The following ITPR2 variants were observed in gnomAD, a reference collection of about 807,000 sequenced individuals.
ITPR2 encodes inositol 1,4,5-trisphosphate-gated calcium channel ITPR2.
In ITPR2, 207 loss-of-function variants were observed where a neutral mutation model predicts 317.1. The ratio of observed to expected loss-of-function variants is 0.65; its 90% confidence interval spans 0.58 to 0.73. The LOEUF is 0.73. ITPR2 is among the 30% of genes least tolerant of loss of function. The probability of loss-of-function intolerance (pLI) is 0.00; values close to 1 mark genes in which losing one functional copy is unlikely to be tolerated. For synonymous variants in ITPR2, 1,156 were observed against 1,149.1 expected (o/e 1.01, Z -0.12); for missense variants, 2,613 against 3,284.0 (o/e 0.80, Z 4.99).
At chr12:26,753,096 G>A (rs1013591691) in intron 2 of ITPR2, among the ~76,000 whole-genome samples, 2 of 152,132 alleles carry the variant, frequency 1.3e-5, no homozygotes, top group Non-Finnish European at 2.9e-5. Context: ...TGGGTTAGAG[G>A]CCCAACTTAG....
intron 41 of ITPR2, among the ~76,000 whole-genome samples, chr12:26,484,805 G>C (rs555539810): frequency 2.6e-5 from 4 of 151,954 alleles, no homozygotes; most frequent in Non-Finnish European, 5.9e-5. Context: ...TCCGCCTCCC[G>C]GGTTCACGCC....
intron 2 of ITPR2, among the ~76,000 whole-genome samples, chr12:26,779,160 G>A (rs1336752572): frequency 6.6e-6 from 1 of 152,116 alleles, no homozygotes; most frequent in East Asian, 1.9e-4. Context: ...TGACAGATAG[G>A]GATGCTGTTT....
intron 52 of ITPR2, among the ~76,000 whole-genome samples, chr12:26,409,232 T>G (rs1451507366): frequency 6.6e-6 from 1 of 152,130 alleles, no homozygotes; most frequent in African/African-American, 2.4e-5. Flanking sequence ...ACCCACACTA[T>G]CAGTGCATTC....
intron 37 of ITPR2, among the ~76,000 whole-genome samples, chr12:26,498,978 A>C (rs1943009779): frequency 1.3e-5 from 2 of 152,342 alleles, no homozygotes; most frequent in African/African-American, 4.8e-5. Flanking sequence ...CTGGGATTAC[A>C]GACATGAACC....
Position 26,596,988 on chromosome 12 carries a change from T to C in ITPR2, c.4149A>G (p.Ala1383=). 6.2e-7 allele frequency: 1 copy of C among 1,613,806 alleles called. No homozygotes were observed. Among genetic ancestry groups the C allele is most frequent in the South Asian group, 1.1e-5 (1 of 90,996 alleles). Residue 1383 remains alanine, a synonymous_variant, in exon 31 of 57, where the codon GCA becomes GCG. Coordinates refer to ENST00000381340, the MANE Select transcript of ITPR2 (RefSeq NM_002223.4). The part of the protein sequence containing the change: ...AYHITLVELL[A]ACTEGKNVYT... ...AGACATTTTTCCCCTCTGTGCATGC[T>C]GCCAGCAACTCCACCAGGGTGATGT... is the stretch of plus-strand genomic sequence containing the variant.
chr12:26,556,860 C>T (rs1405240357), intron 35 of ITPR2, among the ~76,000 whole-genome samples: 1 of 151,524 alleles, frequency 6.6e-6, no homozygotes, highest in Non-Finnish European at 1.5e-5. Flanking sequence ...AGGTGGATTG[C>T]ATGAGGCCAG....
chr12:26,579,795 T>C (rs1945354380), intron 33 of ITPR2, among the ~76,000 whole-genome samples: 2 of 152,176 alleles, frequency 1.3e-5, no homozygotes, highest in Non-Finnish European at 1.5e-5. Flanking sequence ...AACATACAGA[T>C]ATGAAGTTCT....
chr12:26,762,556 A>C (rs922798331), intron 2 of ITPR2, among the ~76,000 whole-genome samples: 2 of 152,186 alleles, frequency 1.3e-5, no homozygotes, highest in African/African-American at 4.8e-5. Context: ...CCTGCCTAAC[A>C]AGAAATGCTG....
intron 10 of ITPR2, among the ~76,000 whole-genome samples, chr12:26,692,738 C>T (rs1948263956): frequency 6.6e-6 from 1 of 152,082 alleles, no homozygotes; most frequent in Admixed American, 6.5e-5. Flanking sequence ...CATGCATGAA[C>T]CTTTGAAACT....
chr12:26,340,899 T>C (rs985960057), intron 55 of ITPR2, among the ~76,000 whole-genome samples: 1 of 152,130 alleles, frequency 6.6e-6, no homozygotes, highest in African/African-American at 2.4e-5. Flanking sequence ...TTTGGAAAGA[T>C]TTTATTGCAA....
Position 26,431,063 on chromosome 12 carries a change from T to C in ITPR2, c.6770-2975A>G, listed in dbSNP as rs77208648. On this transcript the variant is annotated intron_variant, in intron 48 of 56. Transcript: ENST00000381340. ...GGACAAGGACAAGTTTACTAATCTT[T>C]GTATTTTTTAAAATACAAAGATTGT... 0.013 allele frequency among the ~76,000 whole-genome samples: 2,005 copies of C among 152,312 alleles called. 109 individuals carry two copies. The East Asian group carries it at 0.17, about 13-fold the overall frequency.
At position 26,549,901 on chromosome 12, in the gene ITPR2, G is replaced by T. The variant is rs547705532; in HGVS notation, c.5073+346C>A. On this transcript the variant is annotated intron_variant, in intron 37 of 56. Transcript: ENST00000381340. ...AAATGCATAGACATTCTCAGTATGTGGCAGAACTTTACACAAAATCTAAAT... is the reference window on the plus strand; with the variant it reads ...AAATGCATAGACATTCTCAGTATGTTGCAGAACTTTACACAAAATCTAAAT... 5.3e-5 allele frequency among the ~76,000 whole-genome samples: 8 copies of T among 151,892 alleles called. No homozygotes were observed. The South Asian group carries it at 1.7e-3, about 32-fold the overall frequency.
intron 50 of ITPR2, 45 bp downstream of exon 50, chr12:26,419,004 T>G: frequency 1.3e-6 from 2 of 1,526,258 alleles, no homozygotes; most frequent in Admixed American, 1.8e-5. Context: ...GCAGCAGCAT[T>G]GTGTACTTTT....
chr12:26,363,704 C>T (rs1938916569), intron 55 of ITPR2, among the ~76,000 whole-genome samples: 1 of 151,954 alleles, frequency 6.6e-6, no homozygotes, highest in African/African-American at 2.4e-5. Flanking sequence ...ACCACCATGG[C>T]ACACAGGTAC....
rs772703790 is a variant in ITPR2 at position 26,695,598 on chromosome 12, C to G, written c.996+8G>C. ...GAGATTTGTTGGAGAAAAGCCAGTT[C>G]TACTCACCACATTTTTTCCTTCATT... On this transcript the variant is annotated splice_region_variant and intron_variant, in intron 10 of 56. Transcript: ENST00000381340. The G allele has an allele frequency of 3.7e-6, 6 of 1,608,698 alleles. No individual in the cohort carries two copies. The Admixed American group carries it at 1.0e-4, about 27-fold the overall frequency.
intron 1 of ITPR2, among the ~76,000 whole-genome samples, chr12:26,795,875 T>C (rs576027366): frequency 2.0e-5 from 3 of 152,006 alleles, no homozygotes; most frequent in African/African-American, 7.2e-5. Flanking sequence ...TCCCAGCTAC[T>C]CTGGAGACTG....
At chr12:26,490,222 A>T (rs1233960965) in intron 39 of ITPR2, among the ~76,000 whole-genome samples, 1 of 152,240 alleles carries the variant, frequency 6.6e-6, no homozygotes, top group East Asian at 1.9e-4. Context: ...AATACAAATT[A>T]CAACCAAACA....
rs1053220701 is a variant in ITPR2 at position 26,496,026 on chromosome 12, C to T, written c.5074-766G>A. Reference sequence around the variant, plus strand: ...ACTACAGGACATTTTTAAAATAATACATTTTGTAATATAATTGCTTGCATG... The same window carrying T: ...ACTACAGGACATTTTTAAAATAATATATTTTGTAATATAATTGCTTGCATG... On this transcript the variant is annotated intron_variant, in intron 37 of 56. Transcript: ENST00000381340. Among the ~76,000 whole-genome samples the T allele has an allele frequency of 2.6e-5, 4 of 152,126 alleles. No homozygotes were observed. The South Asian group carries it at 8.3e-4, about 31-fold the overall frequency.
Position 26,561,785 on chromosome 12 carries a change from T to C in ITPR2, c.4798A>G (p.Arg1600Gly), listed in dbSNP as rs1472032103. Residue 1600 changes from arginine (R) to glycine (G), a missense_variant, in exon 35 of 57, where the codon AGA becomes GGA. Around this residue, in one of 9 missense-constraint regions of ITPR2, gnomAD observed 926 missense variants for 1,072.8 expected, o/e 0.86. Transcript: ENST00000381340. ...ACCTGTAACTTTTCAATAATATTTCTGTAATCCCAAGCAGGCCCTCCAAGA... is the reference window on the plus strand; with the variant it reads ...ACCTGTAACTTTTCAATAATATTTCCGTAATCCCAAGCAGGCCCTCCAAGA... ...EALGGPAWDY[R>G]NIIEKLQDVV... 2 of 1,580,150 alleles carry C rather than the reference T, an allele frequency of 1.3e-6. No homozygotes were observed. Among genetic ancestry groups the C allele is most frequent in the Admixed American group, 2.0e-5 (1 of 50,410 alleles).
Sources: allele counts gnomAD v4.1 joint callset (sites outside exome capture counted in the v4.1 genomes callset), GRCh38; gene constraint gnomAD v4.1.1; regional missense constraint gnomAD v4.1.1; transcripts MANE v1.5; gene names NCBI Gene and HGNC (gene_info 2026-07-23, HGNC 2026-07-21).